SAMTOR: variants seen among roughly 807,000 people sequenced by gnomAD.
The protein encoded by SAMTOR is UPF0532 protein C7orf60.
the SAMTOR span, among the ~76,000 whole-genome samples, chr7:112,872,281 A>C: frequency 6.7e-6 from 1 of 149,530 alleles, no homozygotes; most frequent in Admixed American, 6.6e-5. Flanking sequence ...TTAATTCATG[A>C]TTAAGTAGGC....
chr7:112,910,033 G>T, the SAMTOR span, among the ~76,000 whole-genome samples: 1 of 151,856 alleles, frequency 6.6e-6, no homozygotes, highest in African/African-American at 2.4e-5. Context: ...AGGTCTCGAC[G>T]AGGGGAAGCA....
the SAMTOR span, among the ~76,000 whole-genome samples, chr7:112,862,292 G>C: frequency 6.6e-6 from 1 of 152,114 alleles, no homozygotes; most frequent in Admixed American, 6.5e-5. Flanking sequence ...ACATGGAAGA[G>C]ATCTTCTAGG....
chr7:112,837,953 G>A, the SAMTOR span, among the ~76,000 whole-genome samples: 1 of 151,980 alleles, frequency 6.6e-6, no homozygotes, highest in Non-Finnish European at 1.5e-5. Flanking sequence ...CATAACACAT[G>A]TATTTTTCTT....
the SAMTOR span, among the ~76,000 whole-genome samples, chr7:112,868,166 A>G: frequency 2.6e-5 from 4 of 152,212 alleles, no homozygotes; most frequent in African/African-American, 9.6e-5. Context: ...AGAACACCTT[A>G]CACTTGCAAA....
the SAMTOR span, among the ~76,000 whole-genome samples, chr7:112,847,038 T>A: frequency 6.6e-6 from 1 of 152,204 alleles, no homozygotes; most frequent in Non-Finnish European, 1.5e-5. Context: ...AATCATGTAG[T>A]CCAAAATAAA....
chr7:112,821,691 G>C, the SAMTOR span: 3 of 1,485,270 alleles, frequency 2.0e-6, no homozygotes, highest in Non-Finnish European at 2.7e-6. Context: ...TTTCCAATTG[G>C]TGTAAGCAAT....
the SAMTOR span, among the ~76,000 whole-genome samples, chr7:112,843,377 T>C: frequency 6.6e-6 from 1 of 151,966 alleles, no homozygotes; most frequent in South Asian, 2.1e-4. Context: ...ACTACCACAA[T>C]TTCTAAGTAG....
At chr7:112,933,901 T>C in the SAMTOR span, among the ~76,000 whole-genome samples, 1 of 152,186 alleles carries the variant, frequency 6.6e-6, no homozygotes, top group South Asian at 2.1e-4. Flanking sequence ...GCAAACATGA[T>C]ATATACTTAT....
chr7:112,891,573 A>G, the SAMTOR span, among the ~76,000 whole-genome samples: 4 of 152,242 alleles, frequency 2.6e-5, no homozygotes, highest in Non-Finnish European at 4.4e-5. Context: ...GGGTATAGGA[A>G]CAATTTTAAT....
the SAMTOR span, among the ~76,000 whole-genome samples, chr7:112,928,603 T>C: frequency 2.0e-5 from 3 of 151,892 alleles, no homozygotes; most frequent in Non-Finnish European, 4.4e-5. Context: ...GCTCAAAAAA[T>C]AAACATGAAA....
the SAMTOR span, among the ~76,000 whole-genome samples, chr7:112,891,066 T>C: frequency 1.3e-5 from 2 of 152,138 alleles, no homozygotes; most frequent in South Asian, 2.1e-4. Flanking sequence ...ACTCAATAAA[T>C]AAGGGAATCT....
chr7:112,866,506 A>T, the SAMTOR span, among the ~76,000 whole-genome samples: 2 of 152,232 alleles, frequency 1.3e-5, no homozygotes, highest in African/African-American at 4.8e-5. Flanking sequence ...CCCCAGGCCA[A>T]GTGAAACAGG....
the SAMTOR span, among the ~76,000 whole-genome samples, chr7:112,889,450 C>T: frequency 2.0e-5 from 3 of 152,074 alleles, no homozygotes; most frequent in Admixed American, 6.5e-5. Flanking sequence ...AAAATAGGTC[C>T]ATGTGACCAG....
At chr7:112,898,596 G>A in the SAMTOR span, among the ~76,000 whole-genome samples, 1 of 152,134 alleles carries the variant, frequency 6.6e-6, no homozygotes, top group Non-Finnish European at 1.5e-5. Flanking sequence ...CCAAGTCCCT[G>A]CAGGATTCAT....
the SAMTOR span, chr7:112,895,746 G>A: frequency 3.4e-6 from 5 of 1,489,978 alleles, no homozygotes; most frequent in African/African-American, 1.4e-5. Context: ...TACACTACAA[G>A]TAAAAATAAA....
chr7:112,827,419 C>A, the SAMTOR span, among the ~76,000 whole-genome samples: 1 of 152,136 alleles, frequency 6.6e-6, no homozygotes, highest in Non-Finnish European at 1.5e-5. Flanking sequence ...GCCTTGTTGG[C>A]TGATTAGGTA....
At chr7:112,890,171 T>C in the SAMTOR span, among the ~76,000 whole-genome samples, 1 of 151,922 alleles carries the variant, frequency 6.6e-6, no homozygotes, top group African/African-American at 2.4e-5. Context: ...TAGAAGAAAG[T>C]AAAAGGTGAG....
the SAMTOR span, among the ~76,000 whole-genome samples, chr7:112,925,858 G>A: frequency 1.3e-3 from 193 of 151,800 alleles, no homozygotes; most frequent in Middle Eastern, 0.017. Context: ...TTAATTGGGT[G>A]AGAATCCTAG....
the SAMTOR span, among the ~76,000 whole-genome samples, chr7:112,871,445 G>T: frequency 1.2e-3 from 182 of 151,962 alleles, no homozygotes; most frequent in Admixed American, 2.4e-3. Flanking sequence ...TGAAATTAAG[G>T]CATAAATCAA....
Sources: allele counts gnomAD v4.1 joint callset (sites outside exome capture counted in the v4.1 genomes callset), GRCh38; gene constraint gnomAD v4.1.1; transcripts MANE v1.5; gene names NCBI Gene and HGNC (gene_info 2026-07-23, HGNC 2026-07-21).